Variants in RSU1 observed in about 807,000 individuals in gnomAD.
RSU1 encodes the protein Ras suppressor protein 1, also known as rsu-1.
RSU1 carries 26 observed loss-of-function variants against 31.1 expected under a neutral mutation model. The ratio of observed to expected loss-of-function variants is 0.84; its 90% CI spans 0.61 to 1.16. RSU1 has a LOEUF of 1.16. RSU1 is among the 50% of genes most tolerant of loss of function. The pLI is 0.00. For synonymous variants in RSU1, 164 were observed against 136.3 expected (o/e 1.20, Z -1.41); for missense variants, 320 against 339.1 (o/e 0.94, Z 0.44).
At chr10:16,671,873 C>T (rs1340924199) in intron 8 of RSU1, among the ~76,000 whole-genome samples, 1 of 150,988 alleles carries the variant, frequency 6.6e-6, no homozygotes, top group Non-Finnish European at 1.5e-5. Flanking sequence ...TGATCGACCC[C>T]CCTCGGCCTC....
Position 16,655,055 on chromosome 10 carries a change from T to TAA in RSU1, c.731+39966_731+39967dup, listed in dbSNP as rs780658639. On this transcript the variant is annotated intron_variant, in intron 8 of 8. Coordinates refer to ENST00000345264, the MANE Select transcript of RSU1 (RefSeq NM_012425.4). The stretch of plus-strand genomic sequence containing the variant: ...GCTGGGCAACAAAGACTTTGTCCCT[T>TAA]AAAAAAAAAAAAAAAAAAAAGAGAG... 4.2e-3 allele frequency among the ~76,000 whole-genome samples: 431 copies of TAA among 103,708 alleles called. 1 individual carries two copies. The highest frequency in any genetic ancestry group is 0.017 in the Middle Eastern group (3 of 172). The allele number at this position is 103,708 out of a possible 152,430, so 68.0% of individuals were successfully genotyped here.
At chr10:16,751,708 T>C (rs1171485347) in intron 7 of RSU1, among the ~76,000 whole-genome samples, 1 of 152,228 alleles carries the variant, frequency 6.6e-6, no homozygotes, top group African/African-American at 2.4e-5. Context: ...TTTAAAGAAC[T>C]GCTTCCTCAA....
chr10:16,752,763 A>G (rs1588512787), intron 6 of RSU1, 110 bp from the exon 7 acceptor site: 3 of 1,051,754 alleles, frequency 2.9e-6, no homozygotes, highest in African/African-American at 1.6e-5. Context: ...CTTTCCATGT[A>G]TTTACAAGTG....
chr10:16,695,600 T>C (rs1239646793), intron 7 of RSU1, among the ~76,000 whole-genome samples: 2 of 152,168 alleles, frequency 1.3e-5, no homozygotes, highest in African/African-American at 2.4e-5. Flanking sequence ...AAGACAGGAA[T>C]ATTACCCAAG....
intron 8 of RSU1, among the ~76,000 whole-genome samples, chr10:16,688,604 G>A (rs1835483201): frequency 6.6e-6 from 1 of 152,050 alleles, no homozygotes; most frequent in African/African-American, 2.4e-5. Context: ...GCGAGACTCC[G>A]TCTCAAAAAA....
chr10:16,734,924 C>A (rs928082176), intron 7 of RSU1, among the ~76,000 whole-genome samples: 2 of 152,264 alleles, frequency 1.3e-5, no homozygotes, highest in Non-Finnish European at 2.9e-5. Flanking sequence ...AAGCTGAACA[C>A]AGACAGGTAC....
intron 8 of RSU1, among the ~76,000 whole-genome samples, chr10:16,595,687 C>T (rs1833598798): frequency 6.6e-6 from 1 of 151,982 alleles, no homozygotes; most frequent in African/African-American, 2.4e-5. Context: ...CCTCTGAAGC[C>T]ACAGAAGAAG....
chr10:16,750,866 T>C (rs74905584), intron 7 of RSU1, among the ~76,000 whole-genome samples: 3 of 150,216 alleles, frequency 2.0e-5, no homozygotes, highest in Non-Finnish European at 4.4e-5. Context: ...GATCTCTCTT[T>C]TTTTTTTTTT....
intron 8 of RSU1, among the ~76,000 whole-genome samples, chr10:16,671,656 TCA>T (rs1386514367): frequency 6.6e-6 from 1 of 151,898 alleles, no homozygotes; most frequent in Non-Finnish European, 1.5e-5. Context: ...AGATGGAGTC[TCA>T]CTCTGTTGCG....
chr10:16,633,373 G>C (rs1268476087), intron 8 of RSU1, among the ~76,000 whole-genome samples: 1 of 151,970 alleles, frequency 6.6e-6, no homozygotes, highest in Non-Finnish European at 1.5e-5. Context: ...TGGCCCCTGG[G>C]TAGGAAAAAA....
At chr10:16,656,433 T>C (rs1356514424) in intron 8 of RSU1, among the ~76,000 whole-genome samples, 2 of 152,206 alleles carry the variant, frequency 1.3e-5, no homozygotes, top group Admixed American at 6.5e-5. Flanking sequence ...CAATTGTTAG[T>C]ATTACAAATG....
chr10:16,655,930 A>T (rs1421927322), intron 8 of RSU1, among the ~76,000 whole-genome samples: 2 of 151,732 alleles, frequency 1.3e-5, no homozygotes, highest in East Asian at 3.8e-4. Context: ...GAGCTGAGAT[A>T]TCTTTGAGGC....
chr10:16,715,517 C>T (rs993301531), intron 7 of RSU1, among the ~76,000 whole-genome samples: 1 of 152,190 alleles, frequency 6.6e-6, no homozygotes, highest in Non-Finnish European at 1.5e-5. Flanking sequence ...CATTCTTTTG[C>T]ATATGCCTAT....
In RSU1 at chr10:16,786,396, T is replaced by C. The variant is rs149279716; in HGVS notation, c.110-4312A>G. ...ACGCCCTCATTCTTGCAGCACTTTC[T>C]TGCCTTCTGACACAAGATATTCAGG... On this transcript the variant is annotated intron_variant, in intron 2 of 8. Coordinates refer to ENST00000345264, the MANE Select transcript of RSU1 (RefSeq NM_012425.4). 2.7e-4 allele frequency among the ~76,000 whole-genome samples: 41 copies of C among 152,312 alleles called. No individual in the cohort carries two copies. In the East Asian group the frequency reaches 7.9e-3, roughly 29 times the overall value.
intron 8 of RSU1, among the ~76,000 whole-genome samples, chr10:16,691,970 C>G (rs7919146): frequency 0.02 from 3,117 of 152,146 alleles, 100 homozygotes; most frequent in African/African-American, 0.071. Context: ...AACTCCTGGC[C>G]TCAAGTGATT....
intron 8 of RSU1, among the ~76,000 whole-genome samples, chr10:16,618,613 G>C (rs1300440291): frequency 6.6e-6 from 1 of 152,084 alleles, no homozygotes; most frequent in East Asian, 1.9e-4. Flanking sequence ...AAAGAAAATA[G>C]GGCACATACA....
chr10:16,659,613 C>T (rs980249412), intron 8 of RSU1, among the ~76,000 whole-genome samples: 3 of 152,148 alleles, frequency 2.0e-5, no homozygotes, highest in Non-Finnish European at 4.4e-5. Context: ...TGTAACTACA[C>T]TGGCACCCTA....
At chr10:16,697,676 A>T (rs7899893) in intron 7 of RSU1, among the ~76,000 whole-genome samples, 45,340 of 150,762 alleles carry the variant, frequency 0.3, 7,031 homozygotes, top group East Asian at 0.4. Flanking sequence ...AAAAAAAAAG[A>T]AAAAGAAAAA....
chr10:16,808,500 A>C (rs1386011190), intron 2 of RSU1, among the ~76,000 whole-genome samples: 9 of 150,950 alleles, frequency 6.0e-5, no homozygotes, highest in Non-Finnish European at 1.2e-4. Context: ...AAAAAAAAAA[A>C]AAAAAACAAA....
Sources: gnomAD v4.1 joint callset for allele counts (sites outside exome capture counted in the v4.1 genomes callset) on GRCh38, gnomAD v4.1.1 for gene constraint, MANE v1.5 for transcripts, NCBI Gene and HGNC (gene_info 2026-07-23, HGNC 2026-07-21) for gene names.